AKAP19: variants seen among roughly 807,000 people sequenced by gnomAD.
AKAP19 encodes the protein small A-kinase anchoring protein.
the AKAP19 span, among the ~76,000 whole-genome samples, chr2:189,881,232 G>A: frequency 6.6e-6 from 1 of 152,170 alleles, no homozygotes; most frequent in East Asian, 1.9e-4. Flanking sequence ...AAATCTTGGG[G>A]CTCCTAAATC....
the AKAP19 span, among the ~76,000 whole-genome samples, chr2:189,928,782 T>C: frequency 6.6e-6 from 1 of 152,232 alleles, no homozygotes; most frequent in East Asian, 1.9e-4. Context: ...GTTTTGCATG[T>C]AGAAAAATGT....
chr2:189,990,684 G>A, the AKAP19 span, among the ~76,000 whole-genome samples: 1 of 152,138 alleles, frequency 6.6e-6, no homozygotes, highest in Non-Finnish European at 1.5e-5. Flanking sequence ...TATGAAAACT[G>A]AGTATTATTT....
At chr2:189,963,487 G>A in the AKAP19 span, among the ~76,000 whole-genome samples, 83 of 151,898 alleles carry the variant, frequency 5.5e-4, no homozygotes, top group African/African-American at 1.7e-3. Context: ...GAGCCACCGC[G>A]CCCGGCCCAG....
At chr2:189,958,125 C>T in the AKAP19 span, among the ~76,000 whole-genome samples, 5 of 152,076 alleles carry the variant, frequency 3.3e-5, no homozygotes, top group African/African-American at 1.2e-4. Flanking sequence ...AAGATATTTG[C>T]TACGTATAAT....
chr2:190,073,405 G>A, the AKAP19 span, among the ~76,000 whole-genome samples: 1 of 152,084 alleles, frequency 6.6e-6, no homozygotes, highest in African/African-American at 2.4e-5. Flanking sequence ...AGAATAGAGT[G>A]CATGCTCAGA....
chr2:189,995,891 A>G, the AKAP19 span, among the ~76,000 whole-genome samples: 407 of 152,248 alleles, frequency 2.7e-3, 2 homozygotes, highest in Non-Finnish European at 4.5e-3. Flanking sequence ...TTGGCTGACA[A>G]TTATTTTGTT....
the AKAP19 span, among the ~76,000 whole-genome samples, chr2:189,947,073 T>A: frequency 6.6e-6 from 1 of 152,230 alleles, no homozygotes; most frequent in Non-Finnish European, 1.5e-5. Flanking sequence ...ATCTGTCTTA[T>A]GAAATTGTTC....
At chr2:190,105,260 A>G in the AKAP19 span, among the ~76,000 whole-genome samples, 1 of 152,250 alleles carries the variant, frequency 6.6e-6, no homozygotes, top group Non-Finnish European at 1.5e-5. Flanking sequence ...TTGGATATAG[A>G]AAAATGTGAT....
chr2:189,999,634 A>AT, the AKAP19 span, among the ~76,000 whole-genome samples: 1 of 151,984 alleles, frequency 6.6e-6, no homozygotes, highest in Admixed American at 6.6e-5. Context: ...TTATCTTGAA[A>AT]TGTTTTTATT....
the AKAP19 span, among the ~76,000 whole-genome samples, chr2:190,006,463 C>G: frequency 6.6e-6 from 1 of 151,302 alleles, no homozygotes; most frequent in African/African-American, 2.4e-5. Context: ...CTGGCTAACA[C>G]GGTGAAATCC....
chr2:190,104,016 CCCCAGAAA>C, the AKAP19 span, among the ~76,000 whole-genome samples: 1 of 152,020 alleles, frequency 6.6e-6, no homozygotes, highest in Non-Finnish European at 1.5e-5. Context: ...AGAATAGAGA[CCCCAGAAA>C]TAAAGCCTCA....
At chr2:190,180,393 C>T in the AKAP19 span, 1 of 876,990 alleles carries the variant, frequency 1.1e-6, no homozygotes, top group South Asian at 5.2e-5. The surrounding 1 kb of genome is among the most constrained non-coding windows in gnomAD (Gnocchi z 6.8). Context: ...GGCAGCGCCC[C>T]CTCTCACCAG....
the AKAP19 span, among the ~76,000 whole-genome samples, chr2:189,944,629 A>G: frequency 2.2e-4 from 33 of 152,354 alleles, no homozygotes; most frequent in African/African-American, 7.7e-4. Flanking sequence ...AGAGAAAGAT[A>G]AATTGCAATA....
the AKAP19 span, among the ~76,000 whole-genome samples, chr2:190,017,662 A>C: frequency 2.6e-5 from 4 of 152,136 alleles, no homozygotes; most frequent in African/African-American, 9.7e-5. Context: ...TCGTTTAACC[A>C]TCATACTAGA....
the AKAP19 span, among the ~76,000 whole-genome samples, chr2:189,899,088 T>G: frequency 0.046 from 6,984 of 152,202 alleles, 521 homozygotes; most frequent in African/African-American, 0.16. Context: ...ATATCCAATT[T>G]CCACCTACCT....
chr2:189,969,744 A>G, the AKAP19 span, among the ~76,000 whole-genome samples: 4 of 151,516 alleles, frequency 2.6e-5, no homozygotes, highest in East Asian at 7.7e-4. Flanking sequence ...AAAAAAAAAA[A>G]AAAAAGATAA....
the AKAP19 span, among the ~76,000 whole-genome samples, chr2:189,885,470 C>A: frequency 2.6e-5 from 4 of 152,318 alleles, no homozygotes; most frequent in South Asian, 8.3e-4. Context: ...CTTTGGATAA[C>A]TTCACTCTCA....
At chr2:190,163,455 C>CAAAAAAAAA in the AKAP19 span, among the ~76,000 whole-genome samples, 1 of 136,690 alleles carries the variant, frequency 7.3e-6, no homozygotes. Context: ...AAACAAAAAA[C>CAAAAAAAAA]AAAAAAAAAA....
At chr2:190,187,473 T>C in the AKAP19 span, among the ~76,000 whole-genome samples, 1 of 151,678 alleles carries the variant, frequency 6.6e-6, no homozygotes, top group Non-Finnish European at 1.5e-5. Context: ...TATGGCCTTT[T>C]TGTGATACCT....
Sources: gnomAD v4.1 joint callset for allele counts (sites outside exome capture counted in the v4.1 genomes callset) on GRCh38, gnomAD v4.1.1 for gene constraint, Gnocchi (gnomAD v3.1) non-coding constraint, MANE v1.5 for transcripts, NCBI Gene and HGNC (gene_info 2026-07-23, HGNC 2026-07-21) for gene names.